The following NFIB variants were observed in gnomAD, a reference collection of about 807,000 sequenced individuals.
NFIB encodes nuclear factor I B.
A neutral mutation model predicts 61.5 loss-of-function variants in NFIB; 11 were observed. The observed-to-expected ratio is 0.18, with a 90% CI of 0.11 to 0.30. The LOEUF (loss-of-function observed/expected upper bound fraction) is 0.30, where lower values mean the gene tolerates loss of function less well. Ranked by LOEUF, NFIB falls within the 10% of genes least tolerant of loss-of-function variation. The pLI is 1.00. For synonymous variants in NFIB, 260 were observed against 216.5 expected (o/e 1.20, Z -1.76); for missense variants, 471 against 608.9 (o/e 0.77, Z 2.38).
rs1055262175 is a variant in NFIB at position 14,287,656 on chromosome 9, G to A, written c.562+19333C>T. 9.1e-4 allele frequency among the ~76,000 whole-genome samples: 138 copies of A among 151,842 alleles called. 1 individual carries two copies. Among genetic ancestry groups the A allele is most frequent in the African/African-American group, 3.2e-3 (134 of 41,504 alleles). On this transcript the variant is annotated intron_variant, in intron 2 of 10. Transcript: ENST00000380953. ...AGGCTGGTCTTGAACTACTGACCTC[G>A]TGATCCGCCTGCCTCAGCCTCCCAC...
intron 1 of NFIB, among the ~76,000 whole-genome samples, chr9:14,355,270 T>G (rs77817592): frequency 0.013 from 2,010 of 152,196 alleles, 16 homozygotes; most frequent in South Asian, 0.03. Flanking sequence ...AAGAAGTGAT[T>G]AGGACACAGA....
intron 1 of NFIB, among the ~76,000 whole-genome samples, chr9:14,378,714 C>T (rs1051910596): frequency 6.6e-6 from 1 of 152,260 alleles, no homozygotes; most frequent in African/African-American, 2.4e-5. Flanking sequence ...TTTAGGTGAA[C>T]AGGCATCATC....
At chr9:14,150,354 T>A in intron 4 of NFIB, 89 bp from the exon 5 acceptor site, 1 of 1,579,514 alleles carries the variant, frequency 6.3e-7, no homozygotes, top group Non-Finnish European at 8.6e-7. Flanking sequence ...TTCATGCCTC[T>A]GGTCAAAGAT....
intron 1 of NFIB, among the ~76,000 whole-genome samples, chr9:14,389,507 A>C (rs1367828332): frequency 6.6e-6 from 1 of 152,228 alleles, no homozygotes; most frequent in South Asian, 2.1e-4. Context: ...GTACACTTTA[A>C]ATATTTTAAG....
intron 2 of NFIB, among the ~76,000 whole-genome samples, chr9:14,295,035 G>A (rs768377479): frequency 4.6e-5 from 7 of 152,184 alleles, no homozygotes; most frequent in Non-Finnish European, 8.8e-5. Context: ...AGTAAATGTT[G>A]TAACCATTCT....
chr9:14,117,020 C>T (rs1013952873), intron 8 of NFIB, among the ~76,000 whole-genome samples: 5 of 152,158 alleles, frequency 3.3e-5, no homozygotes, highest in African/African-American at 9.7e-5. Flanking sequence ...TGTAAAGCAT[C>T]TAAAATTTCA....
At chr9:14,506,732 T>C in the NFIB span, among the ~76,000 whole-genome samples, 1 of 152,160 alleles carries the variant, frequency 6.6e-6, no homozygotes, top group African/African-American at 2.4e-5. Flanking sequence ...TTTGGTTGAA[T>C]ATTTTAGGTG....
chr9:14,446,815 C>T, the NFIB span, among the ~76,000 whole-genome samples: 3 of 152,126 alleles, frequency 2.0e-5, no homozygotes, highest in Non-Finnish European at 2.9e-5. Flanking sequence ...CTGCGCATTA[C>T]TCAACTTTAA....
intron 1 of NFIB, among the ~76,000 whole-genome samples, chr9:14,328,186 C>G: frequency 6.6e-6 from 1 of 152,166 alleles, no homozygotes; most frequent in Admixed American, 6.5e-5. Context: ...ACTCTGTCAC[C>G]AAACCTGGAG....
At chr9:14,232,643 C>T (rs943494464) in intron 2 of NFIB, among the ~76,000 whole-genome samples, 2 of 152,128 alleles carry the variant, frequency 1.3e-5, no homozygotes, top group Non-Finnish European at 2.9e-5. Context: ...TAAGGATCAG[C>T]GTCAGTGTTA....
At chr9:14,374,920 A>G (rs190434040) in intron 1 of NFIB, among the ~76,000 whole-genome samples, 1 of 152,248 alleles carries the variant, frequency 6.6e-6, no homozygotes, top group Non-Finnish European at 1.5e-5. Flanking sequence ...AAAATAAATA[A>G]ATAAATAAAT....
intron 1 of NFIB, among the ~76,000 whole-genome samples, chr9:14,389,883 T>A (rs2061599888): frequency 1.3e-5 from 2 of 152,212 alleles, no homozygotes; most frequent in South Asian, 2.1e-4. Context: ...ATCAAAGAAA[T>A]GTGACATTCT....
intron 2 of NFIB, among the ~76,000 whole-genome samples, chr9:14,295,689 T>C: frequency 6.6e-6 from 1 of 152,078 alleles, no homozygotes; most frequent in South Asian, 2.1e-4. Context: ...AGCCACATCA[T>C]CATCACTTCT....
At position 14,152,108 on chromosome 9, in the gene NFIB, C is replaced by T. The variant is rs558303368; in HGVS notation, c.686-1843G>A. On this transcript the variant is annotated intron_variant, in intron 4 of 10. Transcript: ENST00000380953. ...ATCACAGAGAAGTAACCACGGAATA[C>T]ACAATGAACATCTCCCTTTCTGGAC... Among the ~76,000 whole-genome samples the T allele has an allele frequency of 7.2e-5, 11 of 152,166 alleles. No individual in the cohort carries two copies. The South Asian group carries it at 1.7e-3, about 23-fold the overall frequency.
chr9:14,226,280 G>A (rs1415507317), intron 2 of NFIB, among the ~76,000 whole-genome samples: 1 of 152,046 alleles, frequency 6.6e-6, no homozygotes, highest in Non-Finnish European at 1.5e-5. Flanking sequence ...AGGCACAGTG[G>A]CTGACCCCTA....
intron 6 of NFIB, among the ~76,000 whole-genome samples, chr9:14,132,318 T>C (rs2040492085): frequency 6.6e-6 from 1 of 152,210 alleles, no homozygotes; most frequent in Admixed American, 6.5e-5. Flanking sequence ...CTTATTTACA[T>C]GCCATACTTG....
intron 2 of NFIB, among the ~76,000 whole-genome samples, chr9:14,258,055 A>T (rs2056396790): frequency 6.6e-6 from 1 of 152,204 alleles, no homozygotes; most frequent in South Asian, 2.1e-4. Context: ...TGTGGTGGTC[A>T]AACATTGAGT....
chr9:14,377,183 A>C (rs2061429900), intron 1 of NFIB, among the ~76,000 whole-genome samples: 1 of 152,174 alleles, frequency 6.6e-6, no homozygotes. Flanking sequence ...ATATATAAAA[A>C]TTCTTTTGTT....
At chr9:14,272,825 C>G (rs891568543) in intron 2 of NFIB, among the ~76,000 whole-genome samples, 1 of 151,618 alleles carries the variant, frequency 6.6e-6, no homozygotes, top group South Asian at 2.1e-4. Flanking sequence ...AAGCAAATCT[C>G]AGGAAGCAAT....
Sources: allele counts gnomAD v4.1 joint callset (sites outside exome capture counted in the v4.1 genomes callset), GRCh38; gene constraint gnomAD v4.1.1; transcripts MANE v1.5; gene names NCBI Gene and HGNC (gene_info 2026-07-23, HGNC 2026-07-21).